The following SCRG1 variants were observed in gnomAD, a reference collection of about 807,000 sequenced individuals.
SCRG1 encodes scrapie-responsive protein 1.
SCRG1 carries 3 observed loss-of-function variants against 7.7 expected under a neutral mutation model. The observed-to-expected ratio is 0.39, with a 90% CI of 0.18 to 1.01. The LOEUF is 1.01. Among genes scored for constraint, SCRG1 ranks in the 50% least tolerant of loss-of-function variants. The pLI is 0.36. For synonymous variants in SCRG1, 46 were observed against 41.2 expected (o/e 1.12, Z -0.44); for missense variants, 110 against 117.2 (o/e 0.94, Z 0.28).
the SCRG1 span, among the ~76,000 whole-genome samples, chr4:173,432,794 C>G: frequency 6.6e-6 from 1 of 152,196 alleles, no homozygotes; most frequent in Non-Finnish European, 1.5e-5. Context: ...AATTTTCAAG[C>G]TACCCTATAT....
At chr4:173,459,236 T>G in the SCRG1 span, among the ~76,000 whole-genome samples, 5 of 152,186 alleles carry the variant, frequency 3.3e-5, no homozygotes, top group East Asian at 9.6e-4. Flanking sequence ...AAGGCAACAT[T>G]GTATTTCAGT....
chr4:173,431,068 A>G, the SCRG1 span, among the ~76,000 whole-genome samples: 1 of 152,344 alleles, frequency 6.6e-6, no homozygotes, highest in African/African-American at 2.4e-5. Context: ...AAACCCCAGC[A>G]TGATGCAGTA....
the SCRG1 span, among the ~76,000 whole-genome samples, chr4:173,498,935 G>T: frequency 6.6e-6 from 1 of 152,186 alleles, no homozygotes; most frequent in Non-Finnish European, 1.5e-5. Context: ...CATGCCACTA[G>T]AATGCTGGAA....
the SCRG1 span, among the ~76,000 whole-genome samples, chr4:173,433,670 A>G: frequency 2.4e-4 from 36 of 152,212 alleles, no homozygotes; most frequent in Non-Finnish European, 4.6e-4. Flanking sequence ...TCACCCTATC[A>G]GTGGCCTTTC....
At chr4:173,443,943 TTGTGTGTG>T in the SCRG1 span, among the ~76,000 whole-genome samples, 2,525 of 138,760 alleles carry the variant, frequency 0.018, 32 homozygotes, top group Non-Finnish European at 0.02. Context: ...AGAGCTTGTT[TTGTGTGTG>T]TGTGTGTGTG....
At chr4:173,472,507 G>C in the SCRG1 span, among the ~76,000 whole-genome samples, 2 of 152,180 alleles carry the variant, frequency 1.3e-5, no homozygotes, top group Non-Finnish European at 2.9e-5. Flanking sequence ...AGAGCTGATG[G>C]TGTAGTTGTA....
the SCRG1 span, among the ~76,000 whole-genome samples, chr4:173,448,527 T>C: frequency 6.6e-6 from 1 of 152,258 alleles, no homozygotes; most frequent in Admixed American, 6.5e-5. Context: ...GACCCTTCTG[T>C]GAACAAGGTT....
At chr4:173,425,929 C>T in the SCRG1 span, among the ~76,000 whole-genome samples, 1 of 152,206 alleles carries the variant, frequency 6.6e-6, no homozygotes, top group Admixed American at 6.5e-5. Flanking sequence ...AAGAATGCTT[C>T]CTTAGGCCTA....
the SCRG1 span, among the ~76,000 whole-genome samples, chr4:173,485,004 A>ATATATATT: frequency 5.3e-4 from 5 of 9,418 alleles, no homozygotes; most frequent in South Asian, 5.5e-3. Context: ...ATATATTATA[A>ATATATATT]ATATAATATA....
chr4:173,410,753 A>G (rs769992764), upstream of SCRG1, among the ~76,000 whole-genome samples: 27 of 152,192 alleles, frequency 1.8e-4, no homozygotes, highest in Non-Finnish European at 3.5e-4. Flanking sequence ...GGTTTGCTAA[A>G]TTTGTTTGAC....
the SCRG1 span, among the ~76,000 whole-genome samples, chr4:173,452,933 G>T: frequency 6.6e-6 from 1 of 152,238 alleles, no homozygotes; most frequent in African/African-American, 2.4e-5. Flanking sequence ...CCCATGGAAA[G>T]ATAATGTCAA....
At chr4:173,399,992 G>C (rs1026307330), upstream of SCRG1, among the ~76,000 whole-genome samples, 1 of 152,188 alleles carries the variant, frequency 6.6e-6, no homozygotes, top group Non-Finnish European at 1.5e-5. Context: ...GGTGGTAGGA[G>C]ATGAAATTTG....
At chr4:173,512,266 A>G in the SCRG1 span, among the ~76,000 whole-genome samples, 1 of 152,206 alleles carries the variant, frequency 6.6e-6, no homozygotes, top group East Asian at 1.9e-4. Context: ...GGATGGCTTA[A>G]CCTCAGCAAC....
At chr4:173,469,852 A>G in the SCRG1 span, 1 of 152,150 alleles carries the variant, frequency 6.6e-6, no homozygotes, top group Non-Finnish European at 1.5e-5. Flanking sequence ...TTGTCTGCTC[A>G]AGGTTACTTA....
the SCRG1 span, among the ~76,000 whole-genome samples, chr4:173,437,591 A>G: frequency 6.6e-6 from 1 of 152,216 alleles, no homozygotes; most frequent in African/African-American, 2.4e-5. Context: ...GCAAACACCC[A>G]ATTAGAGTGG....
chr4:173,504,889 T>G, the SCRG1 span, among the ~76,000 whole-genome samples: 1 of 152,194 alleles, frequency 6.6e-6, no homozygotes, highest in Non-Finnish European at 1.5e-5. The surrounding 1 kb of genome is among the most constrained non-coding windows in gnomAD (Gnocchi z 4.7). Context: ...GCAGAAACCA[T>G]GGCAGAGGAT....
At chr4:173,457,393 A>T in the SCRG1 span, among the ~76,000 whole-genome samples, 1 of 152,254 alleles carries the variant, frequency 6.6e-6, no homozygotes, top group Non-Finnish European at 1.5e-5. Flanking sequence ...AAGATTCTGG[A>T]ATAGAGCCAA....
chr4:173,443,029 G>T, the SCRG1 span, among the ~76,000 whole-genome samples: 1 of 152,118 alleles, frequency 6.6e-6, no homozygotes, highest in African/African-American at 2.4e-5. Context: ...GAAGTATGAG[G>T]TTAGGAAAGT....
At chr4:173,431,600 T>C in the SCRG1 span, among the ~76,000 whole-genome samples, 1 of 152,234 alleles carries the variant, frequency 6.6e-6, no homozygotes, top group African/African-American at 2.4e-5. Flanking sequence ...AAAGAGACTA[T>C]GCTGGGGCAT....
Sources: gnomAD v4.1 joint callset for allele counts (sites outside exome capture counted in the v4.1 genomes callset) on GRCh38, gnomAD v4.1.1 for gene constraint, Gnocchi (gnomAD v3.1) non-coding constraint, MANE v1.5 for transcripts, NCBI Gene and HGNC (gene_info 2026-07-23, HGNC 2026-07-21) for gene names.